TRIM24: variants seen among roughly 807,000 people sequenced by gnomAD.
TRIM24 encodes the protein transcription intermediary factor 1-alpha.
Under a neutral mutation model 123.9 loss-of-function variants are expected in TRIM24, and 29 were observed. The ratio of observed to expected loss-of-function variants is 0.23; its 90% CI spans 0.17 to 0.32. The LOEUF (loss-of-function observed/expected upper bound fraction) is 0.32. Among genes scored for constraint, TRIM24 ranks in the 10% least tolerant of loss-of-function variants. The pLI, the probability that TRIM24 is intolerant of heterozygous loss-of-function variation, is 1.00. For missense variants in TRIM24, 932 were observed against 1,295.3 expected (o/e 0.72, Z 4.31); for synonymous variants, 456 against 461.1 (o/e 0.99, Z 0.14).
intron 11 of TRIM24, 67 bp downstream of exon 11, chr7:138,571,070 C>T: frequency 6.6e-7 from 1 of 1,511,686 alleles, no homozygotes; most frequent in Non-Finnish European, 9.1e-7. Flanking sequence ...TGGCTCACTC[C>T]TGTAATCCCA....
In TRIM24 at chr7:138,504,459, T is replaced by G. The variant is rs778171720; in HGVS notation, c.483+51T>G. On this transcript the variant is annotated intron_variant, in intron 2 of 18. Transcript: ENST00000343526. ...TTGCCTGCCAGCTCTTTTTTTTTTT[T>G]TTTTTTTTTTTTTTGAGACAGAGTC... 2.1e-4 allele frequency: 246 copies of G among 1,174,844 alleles called. 3 individuals carry two copies. Among genetic ancestry groups the G allele is most frequent in the South Asian group, 5.8e-4 (30 of 51,602 alleles). The allele number at this position is 1,174,844 out of a possible 1,614,324, so 72.8% of individuals were successfully genotyped here.
At chr7:138,516,256 C>G (rs1344344693) in intron 3 of TRIM24, among the ~76,000 whole-genome samples, 1 of 152,100 alleles carries the variant, frequency 6.6e-6, no homozygotes, top group Non-Finnish European at 1.5e-5. Flanking sequence ...GAGCCGAGAT[C>G]GCACCACTGC....
chr7:138,589,000 C>T lies in TRIM24; in HGVS notation c.*4049C>T, dbSNP rs1158231143. On this transcript the variant is annotated 3_prime_UTR_variant, in exon 19 of 19. Coordinates refer to ENST00000343526, the MANE Select transcript of TRIM24 (RefSeq NM_015905.3). Reference sequence around the variant, plus strand: ...TCCAGCCTGGGCAACAAGAGCAAAACTCTGTCTCAAAAAAAAAAAAAAATG... The same window carrying T: ...TCCAGCCTGGGCAACAAGAGCAAAATTCTGTCTCAAAAAAAAAAAAAAATG... 6.9e-6 allele frequency: 1 copy of T among 145,362 alleles called. No individual in the cohort carries two copies. The allele number at this position is 145,362 out of a possible 1,614,324, so 9.0% of individuals were successfully genotyped here.
chr7:138,572,001 C>A (rs1213458407), intron 11 of TRIM24, among the ~76,000 whole-genome samples: 4 of 152,076 alleles, frequency 2.6e-5, no homozygotes, highest in Non-Finnish European at 5.9e-5. Context: ...TACATACGCA[C>A]CTAATGTTAA....
rs1796373137 is a variant in TRIM24, at chr7:138,515,369, G to C, written c.631+10G>C. 9 of 1,611,632 alleles carry C rather than the reference G, an allele frequency of 5.6e-6. No individual in the cohort carries two copies. Among genetic ancestry groups the C allele is most frequent in the African/African-American group, 1.3e-5 (1 of 74,902 alleles). On this transcript the variant is annotated intron_variant, in intron 3 of 18. Coordinates refer to ENST00000343526, the MANE Select transcript of TRIM24 (RefSeq NM_015905.3). The stretch of plus-strand genomic sequence containing the variant: ...GAGGAAGTATCTCCAGGTAATAAAT[G>C]AGATCTTTGCATTTTTTTCCTTCTA...
Position 138,579,312 on chromosome 7 carries a change from C to A in TRIM24, c.2365C>A (p.Gln789Lys). The A allele has an allele frequency of 6.2e-7, 1 of 1,614,116 alleles. No individual in the cohort carries two copies. The highest frequency in any genetic ancestry group is 8.5e-7 in the Non-Finnish European group (1 of 1,179,986). The change falls in exon 15 of 19, where the codon CAA becomes AAA. Residue 789 changes from glutamine to lysine, a missense_variant. Physicochemically the swap from Gln to Lys is moderately conservative, Grantham distance 53 (BLOSUM62 1). This residue lies in a region of TRIM24 where 527 missense variants were observed against 691.3 expected (regional missense o/e 0.76). Transcript: ENST00000343526. ...RSDAPDSTGDQPGLHQDNSSN... is the reference protein window; with the variant it reads ...RSDAPDSTGDKPGLHQDNSSN... ...AGATGCCCCTGATAGTACAGGAGAT[C>A]AACCTGGACTTCACCAGGACAATTC...
At chr7:138,519,676 A>G (rs1280722017) in intron 4 of TRIM24, among the ~76,000 whole-genome samples, 2 of 152,158 alleles carry the variant, frequency 1.3e-5, no homozygotes, top group Non-Finnish European at 2.9e-5. Flanking sequence ...TGGCCAACAC[A>G]CTGTTTTAAA....
intron 3 of TRIM24, among the ~76,000 whole-genome samples, chr7:138,517,456 C>T (rs1796424347): frequency 6.6e-6 from 1 of 152,040 alleles, no homozygotes; most frequent in Admixed American, 6.6e-5. Context: ...CTGCAAGCGC[C>T]ACCTCCTGGG....
At chr7:138,543,860 G>T (rs1267452999) in intron 7 of TRIM24, among the ~76,000 whole-genome samples, 3 of 151,858 alleles carry the variant, frequency 2.0e-5, no homozygotes, top group South Asian at 4.2e-4. Context: ...TTTGAAACAG[G>T]GTCTCCCTCT....
At chr7:138,563,822 TC>T (rs1797477151) in intron 9 of TRIM24, among the ~76,000 whole-genome samples, 1 of 152,222 alleles carries the variant, frequency 6.6e-6, no homozygotes, top group Admixed American at 6.5e-5. Flanking sequence ...TTTCCTGCCT[TC>T]CTTTAGCCCT....
intron 5 of TRIM24, among the ~76,000 whole-genome samples, chr7:138,525,895 A>G (rs895081664): frequency 5.3e-5 from 8 of 152,220 alleles, no homozygotes; most frequent in African/African-American, 1.9e-4. Flanking sequence ...TTGCCCTGGT[A>G]AGAAAATCAT....
In TRIM24 at chr7:138,583,854, C is replaced by CTGAT; in HGVS notation, c.2800_2803dup (p.Tyr935Ter). On this transcript the variant is annotated frameshift_variant, in exon 18 of 19. Coordinates refer to ENST00000343526, the MANE Select transcript of TRIM24 (RefSeq NM_015905.3). LOFTEE classifies it high-confidence loss of function. ...AACATCTCATTTTTTTAATAGGTGC[C>CTGAT]TGATTATTACAAAATAATTAAAAAT... 1 of 1,557,992 alleles carries CTGAT rather than the reference C, an allele frequency of 6.4e-7. No individual in the cohort carries two copies. Among genetic ancestry groups the CTGAT allele is most frequent in the Non-Finnish European group, 8.7e-7 (1 of 1,148,308 alleles).
Position 138,519,166 on chromosome 7 carries a change from T to C in TRIM24, c.632-23T>C. Reference sequence around the variant, plus strand: ...ATTCAATTATGTTAATTTTCTTCTCTTTGTCTCCCATTGTTTCTGCAGAGG... The same window carrying C: ...ATTCAATTATGTTAATTTTCTTCTCCTTGTCTCCCATTGTTTCTGCAGAGG... On this transcript the variant is annotated intron_variant, in intron 3 of 18. Transcript: ENST00000343526. 1.9e-6 allele frequency: 3 copies of C among 1,613,916 alleles called. No individual in the cohort carries two copies. In the East Asian group the frequency reaches 6.7e-5, roughly 36 times the overall value.
At chr7:138,494,261 G>A (rs2116505506) in intron 1 of TRIM24, among the ~76,000 whole-genome samples, 1 of 151,992 alleles carries the variant, frequency 6.6e-6, no homozygotes, top group South Asian at 2.1e-4. Flanking sequence ...GGATTACAGG[G>A]GGCCGTGAGC....
rs972464731 is a variant in TRIM24, at chr7:138,466,705, T to A, written c.364+5793T>A. 1.6e-4 allele frequency among the ~76,000 whole-genome samples: 24 copies of A among 152,144 alleles called. 1 individual carries two copies. Among genetic ancestry groups the A allele is most frequent in the African/African-American group, 5.5e-4 (23 of 41,454 alleles). On this transcript the variant is annotated intron_variant, in intron 1 of 18. Coordinates refer to ENST00000343526, the MANE Select transcript of TRIM24 (RefSeq NM_015905.3). ...AAGTTCTTTATATATATTCTATATC[T>A]AGGTCCTTTGTCAGATACATGTATT...
intron 10 of TRIM24, 52 bp from the exon 11 acceptor site, chr7:138,570,778 G>T: frequency 1.3e-6 from 2 of 1,575,320 alleles, no homozygotes; most frequent in Non-Finnish European, 8.6e-7. Context: ...CATAGATGTT[G>T]TATTTTATAA....
intron 9 of TRIM24, among the ~76,000 whole-genome samples, chr7:138,558,617 C>G (rs1171835925): frequency 6.6e-6 from 1 of 152,178 alleles, no homozygotes; most frequent in Non-Finnish European, 1.5e-5. Flanking sequence ...GGTGGATGTG[C>G]TCATAGAATG....
intron 7 of TRIM24, among the ~76,000 whole-genome samples, chr7:138,547,537 ATAAAT>A (rs1037284714): frequency 5.9e-5 from 9 of 152,188 alleles, no homozygotes; most frequent in Admixed American, 5.2e-4. Context: ...CTTTTTAAAA[ATAAAT>A]TATTAAATTT....
chr7:138,521,351 G>A (rs565614464), intron 4 of TRIM24, among the ~76,000 whole-genome samples: 1 of 152,170 alleles, frequency 6.6e-6, no homozygotes, highest in African/African-American at 2.4e-5. Context: ...TGGAATTTAT[G>A]TTCTAAGGTC....
Sources: gnomAD v4.1 joint callset for allele counts (sites outside exome capture counted in the v4.1 genomes callset) on GRCh38, gnomAD v4.1.1 for gene constraint, gnomAD v4.1.1 regional missense constraint, MANE v1.5 for transcripts, NCBI Gene and HGNC (gene_info 2026-07-23, HGNC 2026-07-21) for gene names.